The following RXRG variants were observed in gnomAD, a reference collection of about 807,000 sequenced individuals.
The protein encoded by RXRG is retinoic acid receptor RXR-gamma.
Under a neutral mutation model 49.2 loss-of-function variants are expected in RXRG, and 19 were observed. That is an observed-to-expected ratio of 0.39 (90% confidence interval 0.27 to 0.57). RXRG has a LOEUF of 0.57. Ranked by LOEUF, RXRG falls within the 20% of genes least tolerant of loss-of-function variation. RXRG has a pLI of 0.64. For synonymous variants in RXRG, 224 were observed against 216.6 expected, an observed-to-expected ratio of 1.03 and a Z score of -0.30; for missense variants, 452 against 592.5, an observed-to-expected ratio of 0.76 and a Z score of 2.46.
At chr1:165,434,854 C>T (rs1341360048) in intron 1 of RXRG, among the ~76,000 whole-genome samples, 1 of 152,234 alleles carries the variant, frequency 6.6e-6, no homozygotes, top group Non-Finnish European at 1.5e-5. Context: ...CCCTGCTTCG[C>T]TCTTAACACA....
At position 165,408,310 on chromosome 1, in the gene RXRG, G is replaced by A; in HGVS notation, c.1055C>T (p.Thr352Ile). The stretch of plus-strand genomic sequence containing the variant: ...GTCTTTCATTTTGGAAACCAGCTCA[G>A]TTAGGACTCTGTTAACAGGAAACAA... ...GVGSIFDRVL[T>I]ELVSKMKDMQ... is the part of the protein sequence containing the mutation. Residue 352 changes from threonine to isoleucine, a missense_variant, in exon 8 of 10, where the codon ACT becomes ATT. Physicochemically the swap from Thr to Ile is moderately conservative, Grantham distance 89 (BLOSUM62 -1). Transcript: ENST00000359842. 3 of 1,609,848 alleles carry A rather than the reference G, an allele frequency of 1.9e-6. No homozygotes were observed. The highest frequency in any genetic ancestry group is 4.5e-5 in the East Asian group (2 of 44,856).
intron 9 of RXRG, among the ~76,000 whole-genome samples, chr1:165,404,088 C>T (rs188523563): frequency 6.6e-6 from 1 of 152,358 alleles, no homozygotes; most frequent in Admixed American, 6.5e-5. Flanking sequence ...TGGCAGCACT[C>T]TCCCACTGAG....
At chr1:165,408,053 C>T (rs1474290102) in intron 8 of RXRG, among the ~76,000 whole-genome samples, 174 bp downstream of exon 8, 1 of 152,154 alleles carries the variant, frequency 6.6e-6, no homozygotes, top group East Asian at 1.9e-4. Flanking sequence ...GCCTGCCACA[C>T]TCATTCAAAA....
chr1:165,405,980 T>C (rs1657731910), intron 9 of RXRG, among the ~76,000 whole-genome samples: 1 of 152,230 alleles, frequency 6.6e-6, no homozygotes, highest in South Asian at 2.1e-4. Flanking sequence ...ATTGGGAGCA[T>C]GTAAAATTAA....
intron 2 of RXRG, among the ~76,000 whole-genome samples, chr1:165,422,596 C>T (rs888284185): frequency 7.9e-5 from 12 of 152,178 alleles, no homozygotes; most frequent in Non-Finnish European, 1.8e-4. Context: ...GTGGAGCAAA[C>T]ATGTCCAGTG....
rs774047842 is a variant in RXRG at position 165,410,777 on chromosome 1, G to C, written c.838C>G (p.Leu280Val). 6.2e-7 allele frequency: 1 copy of C among 1,614,118 alleles called. No homozygotes were observed. Among genetic ancestry groups the C allele is most frequent in the Non-Finnish European group, 8.5e-7 (1 of 1,180,014 alleles). The change falls in exon 6 of 10, where the codon CTC becomes GTC. Residue 280 changes from leucine (L) to valine (V), a missense_variant. Transcript: ENST00000359842. The part of the protein sequence containing the change: ...CHAADKQLFT[L>V]VEWAKRIPHF... The stretch of plus-strand genomic sequence containing the variant: ...GGAATACGCTTGGCCCATTCAACGA[G>C]GGTGAAAAGCTGCTTGTCAGCAGCA...
rs1442394529 is a variant in RXRG, at chr1:165,428,748, T to C, written c.268A>G (p.Ile90Val). 4.4e-6 allele frequency: 7 copies of C among 1,603,212 alleles called. No individual in the cohort carries two copies. Among genetic ancestry groups the C allele is most frequent in the Admixed American group, 3.4e-5 (2 of 59,614 alleles). The change falls in exon 2 of 10, where the codon ATC becomes GTC. Residue 90 changes from isoleucine (I) to valine (V), a missense_variant. By Grantham distance (29) the Ile-to-Val change is conservative (BLOSUM62 3). Transcript: ENST00000359842. Reference sequence around the variant, plus strand: ...GAGCTGGGTGGGGCAACCAAGTTGATTCCTGGAGGCGCTGCAAGTGCTCCT... The same window carrying C: ...GAGCTGGGTGGGGCAACCAAGTTGACTCCTGGAGGCGCTGCAAGTGCTCCT... Reference protein sequence around the residue: ...PSGALAAPPGINLVAPPSSQL... With the variant: ...PSGALAAPPGVNLVAPPSSQL...
At chr1:165,432,473 C>A (rs541356350) in intron 1 of RXRG, among the ~76,000 whole-genome samples, 37 of 152,306 alleles carry the variant, frequency 2.4e-4, no homozygotes, top group African/African-American at 8.4e-4. Flanking sequence ...TAGAAAACAA[C>A]AACTTTTATG....
chr1:165,416,953 A>G, intron 4 of RXRG, 88 bp downstream of exon 4: 1 of 1,300,190 alleles, frequency 7.7e-7, no homozygotes, highest in Non-Finnish European at 1.1e-6. Context: ...TTTGGGCACC[A>G]TGACTTCTCG....
intron 3 of RXRG, among the ~76,000 whole-genome samples, chr1:165,418,249 A>G (rs1259782080): frequency 6.6e-6 from 1 of 152,096 alleles, no homozygotes; most frequent in Non-Finnish European, 1.5e-5. Context: ...AATTTAGGTC[A>G]GGAGAGCCAC....
At chr1:165,428,660 C>T (rs886830623) in intron 2 of RXRG, 59 bp downstream of exon 2, 3 of 1,526,988 alleles carry the variant, frequency 2.0e-6, no homozygotes, top group Non-Finnish European at 1.8e-6. Flanking sequence ...GCTCCAGGAG[C>T]AGCCTGGGTG....
At chr1:165,424,914 C>G in intron 2 of RXRG, 1 of 985,544 alleles carries the variant, frequency 1.0e-6, no homozygotes, top group Non-Finnish European at 1.2e-6. Context: ...ATCTCGTTAA[C>G]CGAGCAAAGC....
chr1:165,417,276 C>T, intron 3 of RXRG, 56 bp from the exon 4 acceptor site: 1 of 1,493,130 alleles, frequency 6.7e-7, no homozygotes, highest in Non-Finnish European at 9.1e-7. Context: ...TTGGATCTTT[C>T]ATTCAAAAGA....
chr1:165,432,006 T>A (rs1056001811), intron 1 of RXRG, among the ~76,000 whole-genome samples: 1 of 152,170 alleles, frequency 6.6e-6, no homozygotes, highest in African/African-American at 2.4e-5. Flanking sequence ...ATATATAAAA[T>A]ATCATGAAAA....
intron 6 of RXRG, among the ~76,000 whole-genome samples, chr1:165,410,319 G>A (rs1220035090): frequency 6.6e-6 from 1 of 152,172 alleles, no homozygotes; most frequent in East Asian, 1.9e-4. Context: ...TCTTAAAATA[G>A]GAAGACAGTG....
intron 2 of RXRG, among the ~76,000 whole-genome samples, chr1:165,426,786 A>G (rs1658499489): frequency 6.6e-6 from 1 of 152,178 alleles, no homozygotes; most frequent in African/African-American, 2.4e-5. Context: ...ATTGTCTCAC[A>G]TGATTTTGGA....
intron 2 of RXRG, among the ~76,000 whole-genome samples, chr1:165,421,776 C>T (rs1251921662): frequency 6.6e-6 from 1 of 152,166 alleles, no homozygotes; most frequent in African/African-American, 2.4e-5. Flanking sequence ...AGGCAATCTG[C>T]CCGTCTTGGC....
At chr1:165,419,643 G>A (rs189177328) in intron 3 of RXRG, among the ~76,000 whole-genome samples, 4 of 152,222 alleles carry the variant, frequency 2.6e-5, no homozygotes, top group Admixed American at 2.6e-4. Context: ...TCCAGAGAAG[G>A]GTTTCTGAAA....
rs1192812512 is a variant in RXRG, at chr1:165,410,938, A to G, written c.783+11T>C. ...GAAATGGAACACACATGTGTGTCTA[A>G]GAGCACATACCGAGTTCTCCATATT... On this transcript the variant is annotated intron_variant, in intron 5 of 9. Coordinates refer to ENST00000359842, the MANE Select transcript of RXRG (RefSeq NM_006917.5). 5 of 1,613,980 alleles carry G rather than the reference A, an allele frequency of 3.1e-6. No individual in the cohort carries two copies. Among genetic ancestry groups the G allele is most frequent in the Non-Finnish European group, 3.4e-6 (4 of 1,179,978 alleles).
Sources: allele counts gnomAD v4.1 joint callset (sites outside exome capture counted in the v4.1 genomes callset), GRCh38; gene constraint gnomAD v4.1.1; transcripts MANE v1.5; gene names NCBI Gene and HGNC (gene_info 2026-07-23, HGNC 2026-07-21).